The following SYT11 variants were observed in gnomAD, a reference collection of about 807,000 sequenced individuals.
SYT11 encodes synaptotagmin 11.
SYT11 carries 12 observed loss-of-function variants against 30.4 expected under a neutral mutation model. The observed-to-expected ratio is 0.39, with a 90% CI of 0.25 to 0.64. SYT11 has a LOEUF of 0.64. SYT11 is among the 30% of genes least tolerant of loss of function. The pLI, the probability that SYT11 is intolerant of heterozygous loss-of-function variation, is 0.45. For synonymous variants in SYT11, 204 were observed against 216.0 expected (o/e 0.94, Z 0.49); for missense variants, 412 against 552.0 (o/e 0.75, Z 2.54).
intron 1 of SYT11, 76 bp from the exon 2 acceptor site, chr1:155,867,889 G>T: frequency 9.0e-7 from 1 of 1,108,638 alleles, no homozygotes; most frequent in Non-Finnish European, 1.3e-6. Flanking sequence ...GGCTCCAGCA[G>T]TGGCAATGAG....
chr1:155,866,206 G>A (rs7530638), intron 1 of SYT11, among the ~76,000 whole-genome samples: 3,852 of 145,132 alleles, frequency 0.027, 167 homozygotes, highest in African/African-American at 0.089. Flanking sequence ...TCCACCTCCC[G>A]GCTTCAAGTG....
intron 3 of SYT11, 93 bp from the exon 4 acceptor site, chr1:155,881,105 G>A: frequency 7.5e-7 from 1 of 1,338,304 alleles, no homozygotes; most frequent in Non-Finnish European, 1.0e-6. Context: ...GAACAACAGA[G>A]CCCCCCCTTT....
rs925408078 is a variant in SYT11 at position 155,880,581 on chromosome 1, G to T, written c.943G>T (p.Ala315Ser). The change falls in exon 3 of 4, where the codon GCC (alanine) becomes TCC (serine). Residue 315 changes from alanine to serine, a missense_variant. Physicochemically the swap from Ala to Ser is moderately conservative, Grantham distance 99. Transcript: ENST00000368324. ...GAGAATGACAGTGGTGGTCCTCAAA[G>T]CCAGACACTTGCCGAAGATGGATAT... is the stretch of plus-strand genomic sequence containing the variant. ...AQRMTVVVLK[A>S]RHLPKMDITG... is the part of the protein sequence containing the mutation. 6 of 1,614,084 alleles carry T rather than the reference G, an allele frequency of 3.7e-6. No individual in the cohort carries two copies. Among genetic ancestry groups the T allele is most frequent in the Non-Finnish European group, 5.1e-6 (6 of 1,179,986 alleles).
At chr1:155,874,699 G>A (rs1428963918) in intron 2 of SYT11, among the ~76,000 whole-genome samples, 7 of 149,790 alleles carry the variant, frequency 4.7e-5, no homozygotes, top group Non-Finnish European at 7.4e-5. Context: ...GACCATCCTG[G>A]CTAACACGGT....
rs939205895 is a variant in SYT11, at chr1:155,868,914, T to C, written c.861+123T>C. On this transcript the variant is annotated intron_variant, in intron 2 of 3. Coordinates refer to ENST00000368324, the MANE Select transcript of SYT11 (RefSeq NM_152280.5). This position sits in a 1 kb window ranked among gnomAD's most constrained non-coding sequence, Gnocchi z 4.7. ...AGAAGGGCTGTAGAGAGGAAGCTCT[T>C]GGATGTCAAGGATAAGCAGTGGTCA... 4.2e-6 allele frequency: 4 copies of C among 945,244 alleles called. No individual in the cohort carries two copies. In the Admixed American group the frequency reaches 8.0e-5, roughly 19 times the overall value. The allele number at this position is 945,244 out of a possible 1,614,324, so 58.6% of individuals were successfully genotyped here. A position where few individuals can be genotyped will look rare whatever the true frequency, so the allele number is the denominator to read the frequency against.
At position 155,882,968 on chromosome 1, in the gene SYT11, AT is replaced by A. The variant is rs1673005452; in HGVS notation, c.*1461del. ...CAATAAAAATTTAGCTCTTAAAAAA[AT>A]AACAGTGTGACTGAGTGAATGAAGA... is the stretch of plus-strand genomic sequence containing the variant. On this transcript the variant is annotated 3_prime_UTR_variant, in exon 4 of 4. Transcript: ENST00000368324. The A allele has an allele frequency of 6.6e-6, 1 of 152,368 alleles. No homozygotes were observed. The highest frequency in any genetic ancestry group is 2.4e-5 in the African/African-American group (1 of 41,458). 9.4% of individuals were successfully genotyped at this position (152,368 alleles called of 1,614,324 possible). A position where few individuals can be genotyped will look rare whatever the true frequency, so the allele number is the denominator to read the frequency against.
chr1:155,880,640 A>T lies in SYT11; in HGVS notation c.985+17A>T, dbSNP rs766070777. ...TCTCAGGTAGCAGCTATTTACTTCA[A>T]CCTATTTCTTACTGTCTGAACCATC... On this transcript the variant is annotated intron_variant, in intron 3 of 3. Coordinates refer to ENST00000368324, the MANE Select transcript of SYT11 (RefSeq NM_152280.5). 49 of 1,613,104 alleles carry T rather than the reference A, an allele frequency of 3.0e-5. No homozygotes were observed. The highest frequency in any genetic ancestry group is 4.1e-5 in the Non-Finnish European group (48 of 1,179,490).
intron 1 of SYT11, among the ~76,000 whole-genome samples, chr1:155,863,917 CAA>C (rs527788871): frequency 7.5e-6 from 1 of 133,908 alleles, no homozygotes. Flanking sequence ...GACTCCATCT[CAA>C]AAAAAAAAAA....
In SYT11 at chr1:155,860,371, C is replaced by G. The variant is rs1672538785; in HGVS notation, c.34+576C>G. Among the ~76,000 whole-genome samples, 1 of 152,184 alleles carries G rather than the reference C, an allele frequency of 6.6e-6. No homozygotes were observed. Among genetic ancestry groups the G allele is most frequent in the African/African-American group, 2.4e-5 (1 of 41,432 alleles). ...TAAGCCGGTCAGCTGGATGCTGGGG[C>G]TAGGAGGAAACGTGAGCCCTGCAAG... On this transcript the variant is annotated intron_variant, in intron 1 of 3. Coordinates refer to ENST00000368324, the MANE Select transcript of SYT11 (RefSeq NM_152280.5). The surrounding 1 kb of genome is among the most constrained non-coding windows in gnomAD (Gnocchi z 4.1).
At chr1:155,867,880 G>C in intron 1 of SYT11, 85 bp from the exon 2 acceptor site, 4 of 1,036,750 alleles carry the variant, frequency 3.9e-6, no homozygotes, top group Non-Finnish European at 5.6e-6. Context: ...GATTAGCTTG[G>C]CTCCAGCAGT....
In SYT11 at chr1:155,877,191, A is replaced by G. The variant is rs187408830; in HGVS notation, c.862-3309A>G. 9.2e-5 allele frequency among the ~76,000 whole-genome samples: 14 copies of G among 151,840 alleles called. No homozygotes were observed. The East Asian group carries it at 2.7e-3, about 29-fold the overall frequency. On this transcript the variant is annotated intron_variant, in intron 2 of 3. Coordinates refer to ENST00000368324, the MANE Select transcript of SYT11 (RefSeq NM_152280.5). The stretch of plus-strand genomic sequence containing the variant: ...CACCTTGTTAGCCAGGATGGTCTCA[A>G]TCTCCTGACCTCGTGATCCGCCCAC...
intron 2 of SYT11, among the ~76,000 whole-genome samples, chr1:155,873,254 C>T (rs1672806488): frequency 6.6e-6 from 1 of 152,068 alleles, no homozygotes; most frequent in African/African-American, 2.4e-5. Context: ...GGTGAAACCC[C>T]GTTTCTACTA....
At chr1:155,865,559 C>T (rs1461243481) in intron 1 of SYT11, among the ~76,000 whole-genome samples, 2 of 149,756 alleles carry the variant, frequency 1.3e-5, no homozygotes, top group African/African-American at 2.5e-5. Context: ...ACTCTGGAGG[C>T]GGAGGTTGCG....
chr1:155,872,241 T>C (rs1672791545), intron 2 of SYT11, among the ~76,000 whole-genome samples: 1 of 152,012 alleles, frequency 6.6e-6, no homozygotes, highest in Admixed American at 6.6e-5. Flanking sequence ...CAACAGATCA[T>C]GTATGTGTAT....
At chr1:155,861,887 G>A (rs1672598181) in intron 1 of SYT11, among the ~76,000 whole-genome samples, 1 of 152,176 alleles carries the variant, frequency 6.6e-6, no homozygotes, top group African/African-American at 2.4e-5. Context: ...CAAAGTCCTG[G>A]GATTACAGGT....
chr1:155,884,878 C>G lies in SYT11; in HGVS notation c.*3370C>G, dbSNP rs529793684. On this transcript the variant is annotated 3_prime_UTR_variant, in exon 4 of 4. Coordinates refer to ENST00000368324, the MANE Select transcript of SYT11 (RefSeq NM_152280.5). ...TGGTTTGTGGGACAGGGGCAGCTTG[C>G]TCAGGAGAGGGAATAACGCAGGTCC... 2.6e-5 allele frequency: 4 copies of G among 152,740 alleles called. No individual in the cohort carries two copies. The highest frequency in any genetic ancestry group is 5.9e-5 in the Non-Finnish European group (4 of 68,056). The allele number at this position is 152,740 out of a possible 1,614,324, so 9.5% of individuals were successfully genotyped here.
intron 2 of SYT11, among the ~76,000 whole-genome samples, chr1:155,874,631 C>T (rs886817157): frequency 1.3e-5 from 2 of 150,050 alleles, no homozygotes; most frequent in African/African-American, 4.9e-5. Flanking sequence ...TGGCTGACGC[C>T]TGTAATCCCA....
Position 155,860,374 on chromosome 1 carries a change from G to A in SYT11, c.34+579G>A, listed in dbSNP as rs1372308706. 6.6e-6 allele frequency among the ~76,000 whole-genome samples: 1 copy of A among 152,230 alleles called. No individual in the cohort carries two copies. Among genetic ancestry groups the A allele is most frequent in the Non-Finnish European group, 1.5e-5 (1 of 68,042 alleles). On this transcript the variant is annotated intron_variant, in intron 1 of 3. Transcript: ENST00000368324. The surrounding 1 kb of genome is among the most constrained non-coding windows in gnomAD (Gnocchi z 4.1). ...GCCGGTCAGCTGGATGCTGGGGCTA[G>A]GAGGAAACGTGAGCCCTGCAAGCTC...
At position 155,859,617 on chromosome 1, in the gene SYT11, C is replaced by A; in HGVS notation, c.-145C>A. On this transcript the variant is annotated 5_prime_UTR_variant, in exon 1 of 4. Transcript: ENST00000368324. ...GCTGAGCGCAGCTGACAACTAGGGGCCGGACCGTCGCAGGAGGCGTCCGCT... is the reference window on the plus strand; with the variant it reads ...GCTGAGCGCAGCTGACAACTAGGGGACGGACCGTCGCAGGAGGCGTCCGCT... 1 of 761,850 alleles carries A rather than the reference C, an allele frequency of 1.3e-6. No homozygotes were observed. The highest frequency in any genetic ancestry group is 2.3e-6 in the Non-Finnish European group (1 of 429,792). 47.2% of individuals were successfully genotyped at this position (761,850 alleles called of 1,614,324 possible).
Sources: gnomAD v4.1 joint callset for allele counts (sites outside exome capture counted in the v4.1 genomes callset) on GRCh38, gnomAD v4.1.1 for gene constraint, Gnocchi (gnomAD v3.1) non-coding constraint, MANE v1.5 for transcripts, NCBI Gene and HGNC (gene_info 2026-07-23, HGNC 2026-07-21) for gene names.